The following GRID2 variants were observed in gnomAD, a reference collection of about 807,000 sequenced individuals.
GRID2 encodes glutamate ionotropic receptor delta type subunit 2.
Under a neutral mutation model 114.8 loss-of-function variants are expected in GRID2, and 33 were observed. The observed-to-expected ratio is 0.29, with a 90% CI of 0.22 to 0.38. The LOEUF (loss-of-function observed/expected upper bound fraction) is 0.38, where lower values mean the gene tolerates loss of function less well. Ranked by LOEUF, GRID2 falls within the 10% of genes least tolerant of loss-of-function variation. The pLI, the probability that GRID2 is intolerant of heterozygous loss-of-function variation, is 1.00. For missense variants in GRID2, 1,184 were observed against 1,257.7 expected, an observed-to-expected ratio of 0.94 and a Z score of 0.89; for synonymous variants, 505 against 449.9, an observed-to-expected ratio of 1.12 and a Z score of -1.55.
At position 93,589,552 on chromosome 4, in the gene GRID2, A is replaced by C. The variant is rs999732624; in HGVS notation, c.2194-36717A>C. 5.1e-4 allele frequency among the ~76,000 whole-genome samples: 77 copies of C among 152,174 alleles called. 1 individual carries two copies. The highest frequency in any genetic ancestry group is 1.7e-3 in the African/African-American group (69 of 41,534). ...CTTTATAGCAGCATGATTTATAGTC[A>C]TTTGGGTATATACCCAGTAATGGGA... On this transcript the variant is annotated intron_variant, in intron 13 of 15. Coordinates refer to ENST00000282020, the MANE Select transcript of GRID2 (RefSeq NM_001510.4).
At chr4:93,257,978 GTATATATA>G (rs72080884) in intron 8 of GRID2, among the ~76,000 whole-genome samples, 27 of 139,082 alleles carry the variant, frequency 1.9e-4, no homozygotes, top group African/African-American at 5.9e-4. Flanking sequence ...ATATGTGTGT[GTATATATA>G]TATATATATA....
At chr4:92,540,479 A>G (rs916560855) in intron 1 of GRID2, among the ~76,000 whole-genome samples, 20 of 152,202 alleles carry the variant, frequency 1.3e-4, no homozygotes, top group Non-Finnish European at 2.6e-4. Flanking sequence ...AAAAGTGGGC[A>G]AAGGATATGA....
chr4:93,608,301 T>TC (rs1280745503), intron 13 of GRID2, among the ~76,000 whole-genome samples: 1 of 146,412 alleles, frequency 6.8e-6, no homozygotes, highest in African/African-American at 2.5e-5. Context: ...TTTTTCTTTT[T>TC]TTTTTTTTAA....
rs140556387 is a variant in GRID2, at chr4:92,674,938, G to T, written c.244+84652G>T. Among the ~76,000 whole-genome samples, 531 of 152,058 alleles carry T rather than the reference G, an allele frequency of 3.5e-3. 3 individuals carry two copies. The highest frequency in any genetic ancestry group is 0.01 in the South Asian group (49 of 4,816). ...GGTCCCCTCTGTATCTGTTTGTATT[G>T]ACTATTTTCTTTTTCTTATGGTCAT... On this transcript the variant is annotated intron_variant, in intron 2 of 15. Coordinates refer to ENST00000282020, the MANE Select transcript of GRID2 (RefSeq NM_001510.4).
intron 2 of GRID2, among the ~76,000 whole-genome samples, chr4:92,904,819 G>T (rs931207445): frequency 6.6e-6 from 1 of 151,920 alleles, no homozygotes; most frequent in African/African-American, 2.4e-5. Context: ...TTAATGAAGA[G>T]GAGATTTTAT....
At chr4:92,969,131 G>A (rs984088287) in intron 2 of GRID2, among the ~76,000 whole-genome samples, 3 of 151,502 alleles carry the variant, frequency 2.0e-5, no homozygotes, top group African/African-American at 4.8e-5. Context: ...TTTTGACAGC[G>A]TGTTTGCTTA....
chr4:92,676,755 G>T (rs754635873), intron 2 of GRID2, among the ~76,000 whole-genome samples: 2 of 151,968 alleles, frequency 1.3e-5, no homozygotes, highest in African/African-American at 2.4e-5. Context: ...ATGTGATTCA[G>T]CAATTTCACT....
intron 1 of GRID2, among the ~76,000 whole-genome samples, chr4:93,801,500 C>CTAT (rs1270198300): frequency 4.1e-4 from 62 of 151,886 alleles, no homozygotes; most frequent in Admixed American, 4.1e-3. Context: ...AAATATAACA[C>CTAT]TATTTTATTA....
chr4:92,702,341 C>A (rs966751208), intron 2 of GRID2: 1 of 152,142 alleles, frequency 6.6e-6, no homozygotes, highest in African/African-American at 2.4e-5. Flanking sequence ...ATCTTCTTAA[C>A]AACATGCCTA....
chr4:93,284,232 C>A (rs1329745971), intron 8 of GRID2, among the ~76,000 whole-genome samples: 1 of 151,922 alleles, frequency 6.6e-6, no homozygotes, highest in Non-Finnish European at 1.5e-5. Flanking sequence ...ACATTTTTTG[C>A]TCTTTTTACT....
intron 8 of GRID2, among the ~76,000 whole-genome samples, chr4:93,257,744 T>A (rs1749753865): frequency 6.6e-6 from 1 of 151,348 alleles, no homozygotes; most frequent in Admixed American, 6.6e-5. Context: ...ATAATGAAAA[T>A]ATACTTTTTG....
In GRID2 at chr4:93,487,297, T is replaced by C. The variant is rs1019138404; in HGVS notation, c.1859-3342T>C. Among the ~76,000 whole-genome samples the C allele has an allele frequency of 6.3e-4, 96 of 151,742 alleles. 4 individuals are homozygous for C. Among genetic ancestry groups the C allele is most frequent in the Non-Finnish European group, 2.9e-5 (2 of 67,888 alleles). On this transcript the variant is annotated intron_variant, in intron 11 of 15. Coordinates refer to ENST00000282020, the MANE Select transcript of GRID2 (RefSeq NM_001510.4). ...TTATCTATTTTGTTAATTTTTGCTC[T>C]TAATTATTTTCTTCCTTGTACTTGT...
At chr4:93,628,544 G>A (rs1228100726) in intron 14 of GRID2, among the ~76,000 whole-genome samples, 1 of 152,022 alleles carries the variant, frequency 6.6e-6, no homozygotes, top group East Asian at 1.9e-4. Flanking sequence ...CCCTTCTAAG[G>A]GAAGAAACAC....
At chr4:93,660,922 A>G (rs563638057) in intron 14 of GRID2, among the ~76,000 whole-genome samples, 2 of 152,200 alleles carry the variant, frequency 1.3e-5, no homozygotes, top group East Asian at 3.9e-4. Flanking sequence ...ACCTGCCCAA[A>G]CACTGCCCCA....
At chr4:93,632,427 T>C (rs1721004860) in intron 14 of GRID2, among the ~76,000 whole-genome samples, 3 of 152,098 alleles carry the variant, frequency 2.0e-5, no homozygotes, top group Non-Finnish European at 2.9e-5. Flanking sequence ...TTTCAGCTTT[T>C]TCCATATGGC....
chr4:93,790,335 G>T (rs1164618613), intron 1 of GRID2, among the ~76,000 whole-genome samples: 1 of 152,062 alleles, frequency 6.6e-6, no homozygotes, highest in Non-Finnish European at 1.5e-5. Flanking sequence ...AAATGAGCAT[G>T]ACTAATTCAA....
At chr4:92,398,071 A>G (rs1038989712) in intron 1 of GRID2, among the ~76,000 whole-genome samples, 1 of 152,210 alleles carries the variant, frequency 6.6e-6, no homozygotes, top group Non-Finnish European at 1.5e-5. Flanking sequence ...TAATATATGC[A>G]GAGACATTCA....
chr4:93,024,006 A>T (rs1723645471), intron 2 of GRID2, among the ~76,000 whole-genome samples: 1 of 151,862 alleles, frequency 6.6e-6, no homozygotes, highest in South Asian at 2.1e-4. Context: ...GGAAAAAGAT[A>T]AAAGAAAATC....
At chr4:92,842,523 A>T (rs902075987) in intron 2 of GRID2, among the ~76,000 whole-genome samples, 2 of 152,276 alleles carry the variant, frequency 1.3e-5, no homozygotes, top group Non-Finnish European at 2.9e-5. Flanking sequence ...TGTTTCTAAA[A>T]TTTGGGAAGA....
Sources: gnomAD v4.1 joint callset for allele counts (sites outside exome capture counted in the v4.1 genomes callset) on GRCh38, gnomAD v4.1.1 for gene constraint, MANE v1.5 for transcripts, NCBI Gene and HGNC (gene_info 2026-07-23, HGNC 2026-07-21) for gene names.